The following CPQ variants were observed in gnomAD, a reference collection of about 807,000 sequenced individuals.
CPQ encodes the protein carboxypeptidase Q, also known as Ser-Met dipeptidase.
CPQ carries 37 observed loss-of-function variants against 45.7 expected under a neutral mutation model. The ratio of observed to expected loss-of-function variants is 0.81; its 90% CI spans 0.62 to 1.07. The LOEUF (loss-of-function observed/expected upper bound fraction) is 1.07, where lower values mean the gene tolerates loss of function less well. CPQ is among the 50% of genes least tolerant of loss of function. The pLI is 0.00. For missense variants in CPQ, 537 were observed against 572.9 expected (o/e 0.94, Z 0.64); for synonymous variants, 186 against 205.8 (o/e 0.90, Z 0.82).
chr8:96,978,176 A>AT (rs887690513), intron 5 of CPQ, among the ~76,000 whole-genome samples: 10 of 151,312 alleles, frequency 6.6e-5, no homozygotes, highest in Non-Finnish European at 7.4e-5. Flanking sequence ...GCAGATACAT[A>AT]TTTTTTTTTC....
At chr8:97,118,871 A>G (rs1176902320) in intron 7 of CPQ, among the ~76,000 whole-genome samples, 1 of 152,248 alleles carries the variant, frequency 6.6e-6, no homozygotes, top group Admixed American at 6.5e-5. Context: ...ATATACGTGT[A>G]TAATATCTCC....
intron 1 of CPQ, among the ~76,000 whole-genome samples, chr8:96,713,357 C>T (rs556796032): frequency 2.0e-5 from 3 of 152,274 alleles, no homozygotes; most frequent in Admixed American, 6.5e-5. Flanking sequence ...GCCCCATTCC[C>T]GTTACCAATT....
chr8:96,972,119 CTA>C (rs1275558677), intron 5 of CPQ, among the ~76,000 whole-genome samples: 1 of 152,166 alleles, frequency 6.6e-6, no homozygotes, highest in Non-Finnish European at 1.5e-5. Context: ...GTTCTCAGCC[CTA>C]GTTACCTGTT....
rs774811444 is a variant in CPQ at position 96,785,208 on chromosome 8, A to AC, written c.313dup (p.Leu105ProfsTer25). ...CAGCAAGATGGGCTGGAGAAAGTTC[A>AC]CCTGGAGCCAGTGAGAATACCCCAC... On this transcript the variant is annotated frameshift_variant, in exon 2 of 8. Coordinates refer to ENST00000220763, the MANE Select transcript of CPQ (RefSeq NM_016134.4). LOFTEE classifies it high-confidence loss of function. The AC allele has an allele frequency of 1.1e-5, 18 of 1,613,644 alleles. No individual in the cohort carries two copies. The East Asian group carries it at 3.8e-4, about 34-fold the overall frequency.
intron 5 of CPQ, among the ~76,000 whole-genome samples, chr8:96,989,002 A>G (rs1247630184): frequency 3.3e-5 from 5 of 152,222 alleles, no homozygotes; most frequent in African/African-American, 9.6e-5. Flanking sequence ...TGCTGTGGCT[A>G]TGTTGAGACT....
At chr8:96,744,897 C>T (rs925422458) in intron 1 of CPQ, among the ~76,000 whole-genome samples, 2 of 152,048 alleles carry the variant, frequency 1.3e-5, no homozygotes, top group African/African-American at 4.8e-5. Context: ...GTTGCACATC[C>T]CTTGGTTGAA....
At chr8:96,718,813 A>G (rs543042309) in intron 1 of CPQ, among the ~76,000 whole-genome samples, 2 of 152,280 alleles carry the variant, frequency 1.3e-5, no homozygotes, top group East Asian at 1.9e-4. Flanking sequence ...CAGAGTGTCA[A>G]TACAAAGGTT....
intron 1 of CPQ, among the ~76,000 whole-genome samples, chr8:96,776,917 C>T (rs1442509501): frequency 6.6e-6 from 1 of 152,158 alleles, no homozygotes; most frequent in Non-Finnish European, 1.5e-5. Context: ...AAGGGTATAA[C>T]ATTTGATAAC....
intron 3 of CPQ, among the ~76,000 whole-genome samples, chr8:96,853,491 C>A (rs1262544241): frequency 2.6e-5 from 4 of 151,978 alleles, no homozygotes; most frequent in African/African-American, 4.8e-5. Flanking sequence ...ACTTAACAGA[C>A]CTTCTGAAAG....
rs150045212 is a variant in CPQ, at chr8:97,131,764, T to C, written c.1256-11256T>C. On this transcript the variant is annotated intron_variant, in intron 7 of 7. Transcript: ENST00000220763. ...GTCATTTAAAAGAACAATTTTAGCC[T>C]GCCCTACTTGTTGGGAAGAATAGGG... Among the ~76,000 whole-genome samples, 276 of 152,348 alleles carry C rather than the reference T, an allele frequency of 1.8e-3. 2 individuals carry two copies. The highest frequency in any genetic ancestry group is 5.9e-3 in the African/African-American group (246 of 41,578).
intron 4 of CPQ, among the ~76,000 whole-genome samples, chr8:96,896,478 C>T (rs1812444508): frequency 6.6e-6 from 1 of 152,028 alleles, no homozygotes; most frequent in Non-Finnish European, 1.5e-5. Context: ...TCATACTGAC[C>T]CCCTTTTCTA....
At chr8:96,883,563 A>G (rs1812259350) in intron 4 of CPQ, among the ~76,000 whole-genome samples, 1 of 152,228 alleles carries the variant, frequency 6.6e-6, no homozygotes, top group South Asian at 2.1e-4. Flanking sequence ...TGAGGACAGT[A>G]AAGTCAAGTC....
chr8:97,087,375 C>T (rs942695012), intron 7 of CPQ, among the ~76,000 whole-genome samples: 5 of 151,996 alleles, frequency 3.3e-5, no homozygotes, highest in African/African-American at 9.7e-5. Context: ...CAGGCAGCCT[C>T]GCCCAGTATA....
At chr8:96,942,379 G>C (rs1427234716) in intron 4 of CPQ, among the ~76,000 whole-genome samples, 1 of 152,140 alleles carries the variant, frequency 6.6e-6, no homozygotes, top group Non-Finnish European at 1.5e-5. Context: ...AGGTTACTTG[G>C]AGCGAAGTTT....
chr8:97,002,977 A>G (rs1351885632), intron 5 of CPQ, among the ~76,000 whole-genome samples: 1 of 151,894 alleles, frequency 6.6e-6, no homozygotes, highest in African/African-American at 2.4e-5. Flanking sequence ...GGACAGTTAG[A>G]TTTTCTTGTT....
At chr8:96,669,081 C>T (rs1808965361) in intron 1 of CPQ, among the ~76,000 whole-genome samples, 1 of 152,192 alleles carries the variant, frequency 6.6e-6, no homozygotes, top group Admixed American at 6.5e-5. Context: ...CTGAATATCC[C>T]TGCCAGGGTA....
chr8:97,143,275 A>G lies in CPQ; in HGVS notation c.*92A>G, dbSNP rs1044941199. ...TCCTCTTCACATAACAATTTCATCC[A>G]ATTCATCTTCAAAGCACAACTCTAT... On this transcript the variant is annotated 3_prime_UTR_variant, in exon 8 of 8. Transcript: ENST00000220763. 7 of 1,185,366 alleles carry G rather than the reference A, an allele frequency of 5.9e-6. No homozygotes were observed. In the African/African-American group the frequency reaches 1.1e-4, roughly 18 times the overall value. 73.4% of individuals were successfully genotyped at this position (1,185,366 alleles called of 1,614,324 possible).
intron 1 of CPQ, among the ~76,000 whole-genome samples, chr8:96,761,650 G>A (rs144255426): frequency 6.6e-6 from 1 of 152,256 alleles, no homozygotes; most frequent in Non-Finnish European, 1.5e-5. Context: ...TTTTCTGTGT[G>A]ACCTTGAGCA....
intron 1 of CPQ, among the ~76,000 whole-genome samples, chr8:96,749,138 G>A (rs1304781076): frequency 6.6e-6 from 1 of 151,984 alleles, no homozygotes; most frequent in Non-Finnish European, 1.5e-5. Context: ...CAAAGTTTAT[G>A]TTCCATAATT....
Sources: gnomAD v4.1 joint callset for allele counts (sites outside exome capture counted in the v4.1 genomes callset) on GRCh38, gnomAD v4.1.1 for gene constraint, MANE v1.5 for transcripts, NCBI Gene and HGNC (gene_info 2026-07-23, HGNC 2026-07-21) for gene names.